The following SVIL variants were observed in gnomAD, a reference collection of about 807,000 sequenced individuals.
SVIL encodes the protein archvillin.
Under a neutral mutation model 240.4 loss-of-function variants are expected in SVIL, and 101 were observed. That is an observed-to-expected ratio of 0.42 (90% CI 0.36 to 0.50). The LOEUF is 0.50. Among genes scored for constraint, SVIL ranks in the 20% least tolerant of loss-of-function variants. The pLI, the probability that SVIL is intolerant of heterozygous loss-of-function variation, is 0.01. For synonymous variants in SVIL, 999 were observed against 1,100.0 expected, an observed-to-expected ratio of 0.91 and a Z score of 1.82; for missense variants, 2,512 against 2,818.7, an observed-to-expected ratio of 0.89 and a Z score of 2.46.
intron 2 of SVIL, among the ~76,000 whole-genome samples, chr10:29,680,689 C>T (rs1262895723): frequency 1.3e-5 from 2 of 152,098 alleles, no homozygotes; most frequent in East Asian, 1.9e-4. Context: ...GAGGCCGAGG[C>T]GGGTGGATCA....
chr10:29,724,472 A>G (rs982168719), intron 1 of SVIL, among the ~76,000 whole-genome samples: 3 of 152,192 alleles, frequency 2.0e-5, no homozygotes, highest in South Asian at 2.1e-4. Flanking sequence ...TCTCAAGCAT[A>G]TAATATGATT....
intron 1 of SVIL, among the ~76,000 whole-genome samples, chr10:29,607,426 T>C (rs1957067652): frequency 6.6e-6 from 1 of 152,224 alleles, no homozygotes; most frequent in East Asian, 1.9e-4. Context: ...ATTGAGAATG[T>C]GTAAAATGTA....
chr10:29,602,472 G>A (rs1956852166), intron 1 of SVIL: 2 of 258,450 alleles, frequency 7.7e-6, no homozygotes, highest in Non-Finnish European at 1.6e-5. Flanking sequence ...GCCTGGGCAG[G>A]TGAAGTGTTC....
intron 22 of SVIL, among the ~76,000 whole-genome samples, chr10:29,489,842 C>G (rs1048569567): frequency 6.6e-6 from 1 of 152,030 alleles, no homozygotes; most frequent in Non-Finnish European, 1.5e-5. Context: ...GCCACCATGC[C>G]CAGTCTGAAA....
chr10:29,704,536 T>C (rs1035348872), intron 1 of SVIL, among the ~76,000 whole-genome samples: 2 of 152,140 alleles, frequency 1.3e-5, no homozygotes, highest in East Asian at 3.8e-4. Context: ...TGCTGGCCTC[T>C]TCTTTTTTAA....
At chr10:29,569,813 TAACAACCAATAA>T in intron 1 of SVIL, among the ~76,000 whole-genome samples, 1 of 152,160 alleles carries the variant, frequency 6.6e-6, no homozygotes, top group Non-Finnish European at 1.5e-5. Flanking sequence ...ATCTACACAA[TAACAACCAATAA>T]AAATAACTAT....
intron 16 of SVIL, among the ~76,000 whole-genome samples, chr10:29,517,626 G>A (rs1035004804): frequency 1.3e-5 from 2 of 152,146 alleles, no homozygotes; most frequent in Non-Finnish European, 1.5e-5. Flanking sequence ...TGGTTGGGGC[G>A]GGGGCCGGCA....
chr10:29,515,738 C>A (rs935632735), intron 16 of SVIL, among the ~76,000 whole-genome samples: 1 of 152,178 alleles, frequency 6.6e-6, no homozygotes, highest in Non-Finnish European at 1.5e-5. Flanking sequence ...AAGTCATGAG[C>A]TCTGGTCTTT....
intron 2 of SVIL, among the ~76,000 whole-genome samples, chr10:29,675,595 A>G (rs1019539986): frequency 2.0e-5 from 3 of 152,116 alleles, no homozygotes; most frequent in African/African-American, 7.2e-5. Context: ...CTGCTCTTCC[A>G]CCAGTCCCAC....
chr10:29,506,724 T>TAAGAGGGAGGGG (rs1741596894), intron 17 of SVIL, among the ~76,000 whole-genome samples: 1 of 88,362 alleles, frequency 1.1e-5, no homozygotes, highest in Non-Finnish European at 2.5e-5. Flanking sequence ...ATAGAGACTC[T>TAAGAGGGAGGGG]ACGAAGGAGG....
In SVIL at chr10:29,727,135, T is replaced by C. The variant is rs2132709146; in HGVS notation, c.-400+8616A>G. Among the ~76,000 whole-genome samples, 4 of 152,316 alleles carry C rather than the reference T, an allele frequency of 2.6e-5. No homozygotes were observed. In the South Asian group the frequency reaches 8.3e-4, roughly 32 times the overall value. ...CTTCTTGTTTCTATACAATTCTAAT[T>C]TCAAGGACCTTTCTTCAGATGCTAA... On this transcript the variant is annotated intron_variant, in intron 1 of 35. Coordinates refer to the SVIL transcript ENST00000375400.
At chr10:29,538,572 G>A (rs765199376) in intron 6 of SVIL, among the ~76,000 whole-genome samples, 5 of 152,184 alleles carry the variant, frequency 3.3e-5, no homozygotes, top group South Asian at 2.1e-4. Context: ...GCTCCCCTGC[G>A]ATGCTCGCAG....
intron 6 of SVIL, 45 bp downstream of exon 6, chr10:29,550,552 G>A (rs751245299): frequency 2.0e-6 from 3 of 1,513,906 alleles, no homozygotes; most frequent in Admixed American, 4.3e-5. Flanking sequence ...CAAAAAGAAG[G>A]TATTGTCCTG....
intron 1 of SVIL, among the ~76,000 whole-genome samples, chr10:29,609,965 G>A (rs1303526123): frequency 6.6e-6 from 1 of 152,194 alleles, no homozygotes. Context: ...AGCAACAGAG[G>A]TTTCCAGCTG....
chr10:29,631,292 G>A (rs1181735542), intron 1 of SVIL, among the ~76,000 whole-genome samples: 1 of 152,246 alleles, frequency 6.6e-6, no homozygotes, highest in East Asian at 1.9e-4. Flanking sequence ...AGACCAGACG[G>A]AGGAGAAACC....
At chr10:29,580,656 AATGT>A (rs368925968) in intron 1 of SVIL, among the ~76,000 whole-genome samples, 2 of 152,108 alleles carry the variant, frequency 1.3e-5, no homozygotes, top group Non-Finnish European at 2.9e-5. Flanking sequence ...TTAACTAATT[AATGT>A]ATGTATGTAT....
intron 29 of SVIL, 91 bp from the exon 30 acceptor site, chr10:29,474,080 G>A: frequency 6.6e-7 from 1 of 1,511,114 alleles, no homozygotes; most frequent in South Asian, 1.2e-5. Context: ...GGCCTGCAAG[G>A]ACCAGTGGCA....
intron 3 of SVIL, among the ~76,000 whole-genome samples, chr10:29,640,294 G>A (rs902146785): frequency 2.0e-5 from 3 of 152,018 alleles, no homozygotes; most frequent in South Asian, 2.1e-4. Context: ...GACCACTTCC[G>A]CCTCCATGGA....
At chr10:29,694,309 G>C (rs1272382345) in intron 1 of SVIL, among the ~76,000 whole-genome samples, 1 of 151,702 alleles carries the variant, frequency 6.6e-6, no homozygotes, top group Non-Finnish European at 1.5e-5. Context: ...GCTGAAGCAG[G>C]AGGATCACTT....
Sources: allele counts gnomAD v4.1 joint callset (sites outside exome capture counted in the v4.1 genomes callset), GRCh38; gene constraint gnomAD v4.1.1; transcripts MANE v1.5; gene names NCBI Gene and HGNC (gene_info 2026-07-23, HGNC 2026-07-21).